FSTL5: variants seen among roughly 807,000 people sequenced by gnomAD.
FSTL5 encodes follistatin like 5.
A neutral mutation model predicts 89.1 loss-of-function variants in FSTL5; 62 were observed. That is an observed-to-expected ratio of 0.70 (90% CI 0.57 to 0.86). FSTL5 has a LOEUF of 0.86. Ranked by LOEUF, FSTL5 falls within the 40% of genes least tolerant of loss-of-function variation. FSTL5 has a pLI of 0.00. For missense variants in FSTL5, 1,057 were observed against 1,001.6 expected, an observed-to-expected ratio of 1.06 and a Z score of -0.75; for synonymous variants, 383 against 346.2, an observed-to-expected ratio of 1.11 and a Z score of -1.18.
chr4:161,828,341 T>G (rs1378850108), intron 4 of FSTL5, among the ~76,000 whole-genome samples: 1 of 152,182 alleles, frequency 6.6e-6, no homozygotes, highest in Non-Finnish European at 1.5e-5. Flanking sequence ...GCAATCCACT[T>G]CCTTCAAAGA....
chr4:161,924,810 T>C lies in FSTL5; in HGVS notation c.161-4158A>G, dbSNP rs150848715. Among the ~76,000 whole-genome samples the C allele has an allele frequency of 6.8e-3, 1,028 of 152,030 alleles. 6 individuals carry two copies. Among genetic ancestry groups the C allele is most frequent in the Middle Eastern group, 0.01 (3 of 294 alleles). ...GGAGGGAAGAACCAGATTTTGAAGT[T>C]AGCTGCCTTTAACTATTATTATGGA... is the stretch of plus-strand genomic sequence containing the variant. On this transcript the variant is annotated intron_variant, in intron 3 of 15. Transcript: ENST00000306100.
intron 6 of FSTL5, among the ~76,000 whole-genome samples, chr4:161,680,089 T>C (rs1737464656): frequency 6.6e-6 from 1 of 151,916 alleles, no homozygotes; most frequent in Admixed American, 6.6e-5. Context: ...TATACCAAGA[T>C]AATTGAAAGA....
intron 2 of FSTL5, among the ~76,000 whole-genome samples, chr4:162,041,264 G>A (rs1385251466): frequency 1.3e-5 from 2 of 148,472 alleles, no homozygotes; most frequent in East Asian, 2.0e-4. Flanking sequence ...AGCACATTCT[G>A]TCTAGAGGAC....
chr4:162,124,889 G>A (rs1041921799), intron 1 of FSTL5, among the ~76,000 whole-genome samples: 1 of 152,154 alleles, frequency 6.6e-6, no homozygotes, highest in Non-Finnish European at 1.5e-5. Context: ...ATTTTCAGTA[G>A]AGACGGGTTT....
intron 4 of FSTL5, among the ~76,000 whole-genome samples, chr4:161,805,342 A>ATTGCCCT (rs1729930852): frequency 6.6e-6 from 1 of 152,176 alleles, no homozygotes; most frequent in South Asian, 2.1e-4. Flanking sequence ...TGAGAAAATT[A>ATTGCCCT]TTCCAAGAAA....
intron 7 of FSTL5, among the ~76,000 whole-genome samples, chr4:161,595,398 A>G (rs1733978016): frequency 1.3e-5 from 2 of 152,056 alleles, no homozygotes. Flanking sequence ...TTCATCAGAG[A>G]TTCAATCTTT....
intron 7 of FSTL5, among the ~76,000 whole-genome samples, chr4:161,621,226 T>C (rs1045386635): frequency 5.3e-5 from 8 of 151,360 alleles, no homozygotes; most frequent in Non-Finnish European, 1.2e-4. Context: ...GAAAACTATC[T>C]GAAAAGTCTC....
At chr4:161,626,596 A>G (rs571531378) in intron 7 of FSTL5, among the ~76,000 whole-genome samples, 12 of 152,264 alleles carry the variant, frequency 7.9e-5, no homozygotes, top group Admixed American at 3.3e-4. Flanking sequence ...GATTGCAATC[A>G]CCACATTCAT....
At chr4:161,538,120 A>G in intron 10 of FSTL5, 46 bp downstream of exon 10, 1 of 1,584,756 alleles carries the variant, frequency 6.3e-7, no homozygotes, top group Non-Finnish European at 8.6e-7. Context: ...GTAAAAAAGT[A>G]CGTTGAATAT....
Position 161,996,500 on chromosome 4 carries a change from G to A in FSTL5, c.160+37125C>T, listed in dbSNP as rs931825116. On this transcript the variant is annotated intron_variant, in intron 3 of 15. Transcript: ENST00000306100. ...GTCATTGCTATAATTTTAGGCATCCGTATTTCTCACAAGTTCCCCTTGCCC... is the reference window on the plus strand; with the variant it reads ...GTCATTGCTATAATTTTAGGCATCCATATTTCTCACAAGTTCCCCTTGCCC... Among the ~76,000 whole-genome samples, 7 of 152,082 alleles carry A rather than the reference G, an allele frequency of 4.6e-5. No individual in the cohort carries two copies. The South Asian group carries it at 1.0e-3, about 23-fold the overall frequency.
intron 2 of FSTL5, among the ~76,000 whole-genome samples, chr4:162,042,918 G>T (rs1015703307): frequency 7.3e-6 from 1 of 136,392 alleles, no homozygotes; most frequent in Non-Finnish European, 1.5e-5. Context: ...GACACAGGAA[G>T]GGGAATATTA....
At chr4:161,603,039 C>T (rs1348399141) in intron 7 of FSTL5, among the ~76,000 whole-genome samples, 1 of 152,016 alleles carries the variant, frequency 6.6e-6, no homozygotes, top group African/African-American at 2.4e-5. Flanking sequence ...GTACCTATAT[C>T]AATGTGAAAG....
At chr4:161,605,840 C>T (rs886348778) in intron 7 of FSTL5, among the ~76,000 whole-genome samples, 3 of 152,140 alleles carry the variant, frequency 2.0e-5, no homozygotes, top group African/African-American at 7.2e-5. Context: ...GTCAGTTGTT[C>T]TGTAACTTCT....
intron 8 of FSTL5, among the ~76,000 whole-genome samples, chr4:161,559,508 AACAG>A (rs2126568469): frequency 1.3e-5 from 2 of 151,916 alleles, no homozygotes; most frequent in Non-Finnish European, 2.9e-5. Flanking sequence ...ATTATTTTTG[AACAG>A]ACAATGCATT....
chr4:161,421,198 G>C (rs1291815494), intron 15 of FSTL5, among the ~76,000 whole-genome samples: 1 of 151,968 alleles, frequency 6.6e-6, no homozygotes, highest in South Asian at 2.1e-4. Flanking sequence ...AACATTAGCC[G>C]GGCGTGGTGG....
At chr4:161,690,293 A>G (rs1737884946) in intron 6 of FSTL5, among the ~76,000 whole-genome samples, 1 of 152,116 alleles carries the variant, frequency 6.6e-6, no homozygotes, top group South Asian at 2.1e-4. Context: ...TGTATTTAAC[A>G]TGTTGTTAGA....
chr4:161,603,366 C>G (rs900983510), intron 7 of FSTL5, among the ~76,000 whole-genome samples: 1 of 152,092 alleles, frequency 6.6e-6, no homozygotes, highest in Non-Finnish European at 1.5e-5. Flanking sequence ...GAGTCCCAAT[C>G]GGATAGGATT....
rs185856951 is a variant in FSTL5, at chr4:161,385,412, G to T, written c.*335C>A. On this transcript the variant is annotated 3_prime_UTR_variant, in exon 16 of 16. Coordinates refer to ENST00000306100, the MANE Select transcript of FSTL5 (RefSeq NM_020116.5). ...AAAAAAAATAAACTACCCTCAAAAT[G>T]AAATAATGCTTTATGTCATCTGAAA... The T allele has an allele frequency of 5.1e-4, 102 of 198,522 alleles. No homozygotes were observed. In the Middle Eastern group the frequency reaches 7.0e-3, roughly 14 times the overall value. The allele number at this position is 198,522 out of a possible 1,614,324, so 12.3% of individuals were successfully genotyped here. A position where few individuals can be genotyped will look rare whatever the true frequency, so the allele number is the denominator to read the frequency against.
intron 1 of FSTL5, among the ~76,000 whole-genome samples, chr4:162,140,113 T>C (rs901244149): frequency 6.6e-6 from 1 of 152,108 alleles, no homozygotes; most frequent in Non-Finnish European, 1.5e-5. Context: ...GCATTTTTTT[T>C]CAAAAAGCAT....
Sources: allele counts gnomAD v4.1 joint callset (sites outside exome capture counted in the v4.1 genomes callset), GRCh38; gene constraint gnomAD v4.1.1; transcripts MANE v1.5; gene names NCBI Gene and HGNC (gene_info 2026-07-23, HGNC 2026-07-21).